Variants in DLG3 observed in about 807,000 individuals in gnomAD.
The protein encoded by DLG3 is discs large MAGUK scaffold protein 3.
In DLG3, 1 loss-of-function variant was observed where a neutral mutation model predicts 64.1. The observed-to-expected ratio is 0.02, with a 90% CI of 0.01 to 0.07. The LOEUF (loss-of-function observed/expected upper bound fraction) is 0.07. DLG3 is among the 10% of genes least tolerant of loss of function. DLG3 has a pLI of 1.00. For missense variants in DLG3, 429 were observed against 669.5 expected (o/e 0.64, Z 3.96); for synonymous variants, 245 against 259.8 (o/e 0.94, Z 0.55).
chrX:70,469,112 G>GCGAT (rs2086929659), intron 9 of DLG3, among the ~76,000 whole-genome samples: 2 of 110,895 alleles, frequency 1.8e-5, no homozygotes, highest in African/African-American at 6.6e-5. Context: ...CTGGGCTCAA[G>GCGAT]CGATCCTCCT....
At chrX:70,479,677 T>C (rs771672332) in intron 10 of DLG3, among the ~76,000 whole-genome samples, 126 of 111,278 alleles carry the variant, frequency 1.1e-3, no homozygotes, top group African/African-American at 3.8e-3. Context: ...TATCGCAGTG[T>C]TCTGGTACAG....
chrX:70,481,879 C>G (rs1020796408), intron 10 of DLG3, among the ~76,000 whole-genome samples: 1 of 112,109 alleles, frequency 8.9e-6, no homozygotes, highest in African/African-American at 3.2e-5. Flanking sequence ...GCTCTGCCCC[C>G]CTAAATGGCA....
intron 8 of DLG3, 68 bp from the exon 9 acceptor site, chrX:70,454,146 C>T: frequency 9.8e-7 from 1 of 1,018,075 alleles, no homozygotes; most frequent in Non-Finnish European, 1.4e-6. Context: ...TCTCCCTCTC[C>T]TAACTGCTAA....
chrX:70,482,647 A>AAATACATGTG (rs2087174804), intron 10 of DLG3, among the ~76,000 whole-genome samples: 1 of 100,627 alleles, frequency 9.9e-6, no homozygotes, highest in Non-Finnish European at 2.0e-5. Context: ...AGGTTTGGGA[A>AAATACATGTG]AATACATGTG....
chrX:70,448,642 A>C, intron 1 of DLG3: 2 of 1,160,514 alleles, frequency 1.7e-6, no homozygotes, highest in Non-Finnish European at 2.3e-6. Flanking sequence ...CGGTGAGTGC[A>C]CCACTGGCTG....
intron 2 of DLG3, 57 bp downstream of exon 2, chrX:70,449,020 A>G: frequency 8.7e-7 from 1 of 1,146,538 alleles, no homozygotes; most frequent in Non-Finnish European, 1.2e-6. Context: ...AGCCAGGATA[A>G]GGGAGACCCC....
rs145922117 is a variant in DLG3 at position 70,448,431 on chromosome X, G to T, written c.358-482G>T. ...ATGATGTCTGCTGTCCTTCCAGTTC[G>T]GACACAGTGGGAGTCTATGATCCCC... On this transcript the variant is annotated intron_variant, in intron 1 of 18. Coordinates refer to ENST00000374360, the MANE Select transcript of DLG3 (RefSeq NM_021120.4). 1.7e-5 allele frequency: 8 copies of T among 469,839 alleles called. No individual in the cohort carries two copies. The East Asian group carries it at 3.0e-4, about 17-fold the overall frequency. The allele number at this position is 469,839 out of a possible 1,213,427, so 38.7% of individuals were successfully genotyped here. A position where few individuals can be genotyped will look rare whatever the true frequency, so the allele number is the denominator to read the frequency against.
rs746761243 is a variant in DLG3 at position 70,449,816 on chromosome X, A to C, written c.660A>C (p.Pro220=). The C allele has an allele frequency of 5.0e-6, 6 of 1,195,075 alleles. No individual in the cohort carries two copies. Among genetic ancestry groups the C allele is most frequent in the African/African-American group, 1.7e-5 (1 of 57,265 alleles). The part of the protein sequence containing the change: ...VRLVVRRRQP[P]PETIMEVNLL... ...TGGTGGTGCGGAGGCGACAGCCTCCACCCGAGACCATCATGGAGGTCAACC... is the reference window on the plus strand; with the variant it reads ...TGGTGGTGCGGAGGCGACAGCCTCCCCCCGAGACCATCATGGAGGTCAACC... Residue 220 remains proline (P), a synonymous_variant, in exon 4 of 19, where the codon CCA becomes CCC. Coordinates refer to ENST00000374360, the MANE Select transcript of DLG3 (RefSeq NM_021120.4).
Position 70,450,792 on chromosome X carries a change from T to C in DLG3, c.985+9T>C, listed in dbSNP as rs779803329. The C allele has an allele frequency of 1.2e-5, 14 of 1,209,947 alleles. No homozygotes were observed. Among genetic ancestry groups the C allele is most frequent in the Middle Eastern group, 2.3e-4 (1 of 4,369 alleles). ...CCCTGACTACGCCAGCAGTACGTAC[T>C]CATCAGCCCCTGTCCCTGGTCTAAA... On this transcript the variant is annotated intron_variant, in intron 6 of 18. Coordinates refer to ENST00000374360, the MANE Select transcript of DLG3 (RefSeq NM_021120.4).
chrX:70,495,503 T>C, intron 13 of DLG3, 50 bp downstream of exon 13: 3 of 1,140,113 alleles, frequency 2.6e-6, no homozygotes, highest in East Asian at 6.0e-5. Flanking sequence ...TGAATGGAGA[T>C]AGTGGGGGTG....
At chrX:70,465,313 A>G (rs2086868564) in intron 9 of DLG3, among the ~76,000 whole-genome samples, 2 of 112,007 alleles carry the variant, frequency 1.8e-5, no homozygotes, top group Non-Finnish European at 3.8e-5. Flanking sequence ...CTACTTTTGG[A>G]TAAGATGGCT....
chrX:70,453,625 C>A lies in DLG3; in HGVS notation c.1146-12C>A. ...CTACCTAGTCCTGACTCCTCCACTC[C>A]TTTCCCACCAGAGAGCCTCGCAAGA... is the stretch of plus-strand genomic sequence containing the variant. On this transcript the variant is annotated splice_polypyrimidine_tract_variant and intron_variant, in intron 7 of 18. Coordinates refer to ENST00000374360, the MANE Select transcript of DLG3 (RefSeq NM_021120.4). 2.5e-6 allele frequency: 3 copies of A among 1,208,262 alleles called. No homozygotes were observed. The highest frequency in any genetic ancestry group is 3.4e-6 in the Non-Finnish European group (3 of 893,853).
At position 70,493,488 on chromosome X, in the gene DLG3, A is replaced by G. The variant is rs1038646560; in HGVS notation, c.1773+892A>G. The G allele has an allele frequency of 4.3e-6, 5 of 1,160,625 alleles. No individual in the cohort carries two copies. The African/African-American group carries it at 8.9e-5, about 21-fold the overall frequency. ...AGCATACAGGAACGTAAGTAGCAGC[A>G]GAGTCCAGAGAGCAGGCCATCTGCA... On this transcript the variant is annotated intron_variant, in intron 12 of 18. Transcript: ENST00000374360.
At chrX:70,468,483 C>T (rs2086920087) in intron 9 of DLG3, among the ~76,000 whole-genome samples, 1 of 111,174 alleles carries the variant, frequency 9.0e-6, no homozygotes, top group Non-Finnish European at 1.9e-5. Context: ...CATGCTGATC[C>T]GGCATGTTTT....
intron 9 of DLG3, among the ~76,000 whole-genome samples, chrX:70,466,831 G>T (rs2086895328): frequency 8.9e-6 from 1 of 112,132 alleles, no homozygotes; most frequent in Non-Finnish European, 1.9e-5. Flanking sequence ...CCTGTGCCCA[G>T]AGGTTTAGAA....
At chrX:70,500,349 C>T in intron 16 of DLG3, 122 bp from the exon 17 acceptor site, 1 of 599,593 alleles carries the variant, frequency 1.7e-6, no homozygotes, top group Admixed American at 2.6e-5. Context: ...TTTGGGTGGC[C>T]CTCGTGCCCC....
At chrX:70,462,036 C>T (rs1294545707) in intron 9 of DLG3, among the ~76,000 whole-genome samples, 1 of 98,755 alleles carries the variant, frequency 1.0e-5, no homozygotes, top group Non-Finnish European at 2.0e-5. Flanking sequence ...GCAATCACTC[C>T]TCATCCCCCC....
chrX:70,496,844 G>A (rs1208458859), intron 13 of DLG3, among the ~76,000 whole-genome samples: 1 of 112,815 alleles, frequency 8.9e-6, no homozygotes, highest in Non-Finnish European at 1.9e-5. Context: ...TTTCTTTCCT[G>A]TTGTTAGCCT....
intron 9 of DLG3, among the ~76,000 whole-genome samples, chrX:70,457,909 T>G (rs1224598291): frequency 9.2e-6 from 1 of 108,584 alleles, no homozygotes; most frequent in African/African-American, 3.4e-5. Context: ...AGTGTCAGGC[T>G]CTGTTGCCCA....
Sources: allele counts gnomAD v4.1 joint callset (sites outside exome capture counted in the v4.1 genomes callset), GRCh38; gene constraint gnomAD v4.1.1; transcripts MANE v1.5; gene names NCBI Gene and HGNC (gene_info 2026-07-23, HGNC 2026-07-21).